Variants in NHSL2 observed in about 807,000 individuals in gnomAD.
NHSL2 encodes the protein NHS like 2, also known as NHS-like protein 2.
In NHSL2, 27 loss-of-function variants were observed where a neutral mutation model predicts 53.4. The ratio of observed to expected loss-of-function variants is 0.51; its 90% confidence interval spans 0.37 to 0.70. The LOEUF (loss-of-function observed/expected upper bound fraction) is 0.70, where lower values mean the gene tolerates loss of function less well. Among genes scored for constraint, NHSL2 ranks in the 30% least tolerant of loss-of-function variants. The probability of loss-of-function intolerance (pLI) is 0.00; values close to 1 mark genes in which losing one functional copy is unlikely to be tolerated. For synonymous variants in NHSL2, 408 were observed against 404.1 expected, an observed-to-expected ratio of 1.01 and a Z score of -0.12; for missense variants, 892 against 980.1, an observed-to-expected ratio of 0.91 and a Z score of 1.20.
intron 1 of NHSL2, among the ~76,000 whole-genome samples, chrX:72,020,563 C>G (rs1480141470): frequency 8.9e-6 from 1 of 112,340 alleles, no homozygotes; most frequent in Admixed American, 9.4e-5. Flanking sequence ...GCCACTAGCC[C>G]TGCTTTGGTC....
At chrX:72,089,802 C>T (rs2041881209) in intron 1 of NHSL2, among the ~76,000 whole-genome samples, 1 of 110,277 alleles carries the variant, frequency 9.1e-6, no homozygotes, top group South Asian at 3.9e-4. Context: ...TGTTATCCTG[C>T]CTCTAATTTA....
intron 1 of NHSL2, among the ~76,000 whole-genome samples, chrX:71,950,343 T>C (rs1426887375): frequency 8.9e-6 from 1 of 112,549 alleles, no homozygotes; most frequent in Non-Finnish European, 1.9e-5. Context: ...CCCAAAGACC[T>C]AAGCCTGGCC....
intron 1 of NHSL2, among the ~76,000 whole-genome samples, chrX:71,978,587 C>G (rs1260813766): frequency 8.9e-6 from 1 of 111,836 alleles, no homozygotes; most frequent in East Asian, 2.8e-4. Flanking sequence ...AGATCAGAAG[C>G]TGCTGGCACA....
intron 1 of NHSL2, among the ~76,000 whole-genome samples, chrX:72,101,016 C>T (rs1390187681): frequency 1.8e-5 from 2 of 109,147 alleles, no homozygotes; most frequent in Non-Finnish European, 3.8e-5. Flanking sequence ...TCTCATCACA[C>T]TCAAAACCCA....
chrX:71,943,857 C>G (rs1205282884), intron 1 of NHSL2, among the ~76,000 whole-genome samples: 1 of 112,074 alleles, frequency 8.9e-6, no homozygotes, highest in Non-Finnish European at 1.9e-5. Context: ...AGGTGGTTGC[C>G]TGCTCTGCCA....
At position 72,000,462 on chromosome X, in the gene NHSL2, C is replaced by T. The variant is rs144180682; in HGVS notation, c.280+89095C>T. On this transcript the variant is annotated intron_variant, in intron 1 of 7. Coordinates refer to ENST00000633930, the MANE Select transcript of NHSL2 (RefSeq NM_001013627.3). ...TCATATTGCTGCTGTAACACATTACCGCAAATTCAGTGGCTTAAAACAACA... is the reference window on the plus strand; with the variant it reads ...TCATATTGCTGCTGTAACACATTACTGCAAATTCAGTGGCTTAAAACAACA... Among the ~76,000 whole-genome samples the T allele has an allele frequency of 7.3e-3, 824 of 112,148 alleles. 1 individual carries two copies. The highest frequency in any genetic ancestry group is 0.01 in the Non-Finnish European group (536 of 53,223).
intron 1 of NHSL2, among the ~76,000 whole-genome samples, chrX:72,035,093 T>C (rs1443543984): frequency 1.8e-5 from 2 of 112,347 alleles, no homozygotes; most frequent in African/African-American, 6.5e-5. Context: ...ATATTTGTAT[T>C]TTAATTAATT....
chrX:71,987,160 G>A (rs1237275483), intron 1 of NHSL2, among the ~76,000 whole-genome samples: 1 of 111,509 alleles, frequency 9.0e-6, no homozygotes, highest in Admixed American at 9.5e-5. Flanking sequence ...GCAGTGAGCT[G>A]AGATCGCACC....
chrX:71,954,721 T>C (rs192969525), intron 1 of NHSL2, among the ~76,000 whole-genome samples: 1 of 111,730 alleles, frequency 9.0e-6, no homozygotes, highest in Non-Finnish European at 1.9e-5. Flanking sequence ...CAGAAGGAAA[T>C]GGCTTTTGTT....
In NHSL2 at chrX:72,075,509, C is replaced by T. The variant is rs752251913; in HGVS notation, c.281-56570C>T. 3.6e-5 allele frequency among the ~76,000 whole-genome samples: 4 copies of T among 112,145 alleles called. No individual in the cohort carries two copies. In the East Asian group the frequency reaches 1.1e-3, roughly 31 times the overall value. On this transcript the variant is annotated intron_variant, in intron 1 of 7. Transcript: ENST00000633930. ...TAAGCAAGCAAAGCTTTCTAGTTTT[C>T]GCCTTGGATGGGAAATCATCAAGAA...
Position 72,152,418 on chromosome X carries a change from T to TTTAGG in NHSL2, c.*8846_*8850dup, listed in dbSNP as rs138487857. On this transcript the variant is annotated 3_prime_UTR_variant, in exon 8 of 8. Coordinates refer to ENST00000633930, the MANE Select transcript of NHSL2 (RefSeq NM_001013627.3). ...TCCAGCACCCTCATCAGTTCTCTGG[T>TTTAGG]TTAGGTCCAGATCTGATGGGACTGG... The TTTAGG allele has an allele frequency of 0.56, 61,544 of 109,319 alleles. 14,332 individuals carry two copies. The highest frequency in any genetic ancestry group is 0.73 in the Non-Finnish European group (38,171 of 52,339). The allele number at this position is 109,319 out of a possible 1,213,427, so 9.0% of individuals were successfully genotyped here.
At chrX:71,947,655 G>A (rs1290481644) in intron 1 of NHSL2, among the ~76,000 whole-genome samples, 2 of 112,084 alleles carry the variant, frequency 1.8e-5, no homozygotes, top group African/African-American at 6.5e-5. Flanking sequence ...CTTGTGAGAT[G>A]ATGATGTTAT....
intron 1 of NHSL2, among the ~76,000 whole-genome samples, chrX:71,977,752 C>G (rs1370699590): frequency 8.9e-6 from 1 of 112,052 alleles, no homozygotes; most frequent in African/African-American, 3.2e-5. Context: ...AAACCAAGAC[C>G]ATGGCCGCAC....
At chrX:72,110,752 A>G (rs1278091975) in intron 1 of NHSL2, among the ~76,000 whole-genome samples, 1 of 95,609 alleles carries the variant, frequency 1.0e-5, no homozygotes, top group Non-Finnish European at 2.0e-5. Flanking sequence ...AAAAAAAAAA[A>G]CCCAAAGAGG....
At chrX:72,034,629 A>G (rs2042232404) in intron 1 of NHSL2, among the ~76,000 whole-genome samples, 1 of 111,845 alleles carries the variant, frequency 8.9e-6, no homozygotes, top group Non-Finnish European at 1.9e-5. Context: ...TCACATTCAG[A>G]TTATTTATTT....
chrX:72,125,439 G>T (rs1225024604), intron 1 of NHSL2, among the ~76,000 whole-genome samples: 2 of 111,396 alleles, frequency 1.8e-5, no homozygotes, highest in African/African-American at 6.6e-5. Context: ...CAAGTAGTGT[G>T]CTGGGCCCCA....
At chrX:72,041,787 C>T (rs2042275444) in intron 1 of NHSL2, among the ~76,000 whole-genome samples, 1 of 112,458 alleles carries the variant, frequency 8.9e-6, no homozygotes, top group South Asian at 3.6e-4. Flanking sequence ...TGGCATGTCC[C>T]TCTTTCCCTT....
chrX:72,074,804 A>G (rs2041727669), intron 1 of NHSL2, among the ~76,000 whole-genome samples: 1 of 112,818 alleles, frequency 8.9e-6, no homozygotes, highest in South Asian at 3.6e-4. Flanking sequence ...GCTGAGCTTC[A>G]CAAACCCTGC....
chrX:72,033,246 G>T (rs970863051), intron 1 of NHSL2, among the ~76,000 whole-genome samples: 1 of 106,006 alleles, frequency 9.4e-6, no homozygotes, highest in Non-Finnish European at 1.9e-5. Flanking sequence ...GAGTGCAGTG[G>T]CGCAATCTTG....
Sources: allele counts gnomAD v4.1 joint callset (sites outside exome capture counted in the v4.1 genomes callset), GRCh38; gene constraint gnomAD v4.1.1; transcripts MANE v1.5; gene names NCBI Gene and HGNC (gene_info 2026-07-23, HGNC 2026-07-21).